TMEM63B: variants seen among roughly 807,000 people sequenced by gnomAD.
TMEM63B encodes the protein mechanosensitive cation channel TMEM63B.
Under a neutral mutation model 102.6 loss-of-function variants are expected in TMEM63B, and 23 were observed. That is an observed-to-expected ratio of 0.22 (90% CI 0.16 to 0.32). The LOEUF (loss-of-function observed/expected upper bound fraction) is 0.32, where lower values mean the gene tolerates loss of function less well. TMEM63B is among the 10% of genes least tolerant of loss of function. The pLI is 1.00. For synonymous variants in TMEM63B, 444 were observed against 437.0 expected (o/e 1.02, Z -0.20); for missense variants, 628 against 1,095.9 (o/e 0.57, Z 6.03).
chr6:44,145,139 G>C (rs1464228455), intron 10 of TMEM63B, among the ~76,000 whole-genome samples: 7 of 151,518 alleles, frequency 4.6e-5, no homozygotes, highest in Admixed American at 4.6e-4. Flanking sequence ...GCCAGGCGTG[G>C]TGGCATGTGC....
chr6:44,139,782 C>T (rs1159273684), intron 8 of TMEM63B, 23 bp downstream of exon 8: 1 of 1,614,114 alleles, frequency 6.2e-7, no homozygotes, highest in Non-Finnish European at 8.5e-7. Context: ...GCTGGTCGGC[C>T]AGGCCAAGGT....
At chr6:44,151,706 G>A in intron 18 of TMEM63B, 140 bp from the exon 19 acceptor site, 1 of 982,016 alleles carries the variant, frequency 1.0e-6, no homozygotes, top group Non-Finnish European at 1.5e-6. Flanking sequence ...GGGCACAGGT[G>A]CTTGGGGCGC....
chr6:44,138,688 C>G, intron 6 of TMEM63B, 171 bp downstream of exon 6: 1 of 652,544 alleles, frequency 1.5e-6, no homozygotes, highest in Non-Finnish European at 2.7e-6. Context: ...CTCTGCTGTA[C>G]CCTGAACACT....
At chr6:44,143,108 T>C (rs1438934346) in intron 10 of TMEM63B, among the ~76,000 whole-genome samples, 1 of 152,204 alleles carries the variant, frequency 6.6e-6, no homozygotes, top group Non-Finnish European at 1.5e-5. Context: ...CAGGCCAGTG[T>C]GTGATCCAAT....
At position 44,141,185 on chromosome 6, in the gene TMEM63B, G is replaced by A. The variant is rs1047417336; in HGVS notation, c.782+87G>A. On this transcript the variant is annotated intron_variant, in intron 10 of 23. Transcript: ENST00000323267. Reference sequence around the variant, plus strand: ...ACTCTAAGAACATCCTTATACCCTAGCCTGGAGCTCTGCCGTGGGTGGGAT... The same window carrying A: ...ACTCTAAGAACATCCTTATACCCTAACCTGGAGCTCTGCCGTGGGTGGGAT... 5.2e-5 allele frequency: 69 copies of A among 1,332,830 alleles called. 1 individual carries two copies. The South Asian group carries it at 7.7e-4, about 15-fold the overall frequency. 82.6% of individuals were successfully genotyped at this position (1,332,830 alleles called of 1,614,324 possible).
intron 1 of TMEM63B, among the ~76,000 whole-genome samples, chr6:44,134,171 A>G (rs1582765088): frequency 6.6e-6 from 1 of 151,854 alleles, no homozygotes; most frequent in Non-Finnish European, 1.5e-5. Context: ...CAGGCCTAAG[A>G]CCCCTCCCTG....
chr6:44,131,193 C>A (rs1346188905), intron 1 of TMEM63B, among the ~76,000 whole-genome samples: 1 of 151,940 alleles, frequency 6.6e-6, no homozygotes, highest in East Asian at 1.9e-4. Flanking sequence ...GCTGGGATTA[C>A]AGGTGTGAGC....
chr6:44,138,556 A>G, intron 6 of TMEM63B, 39 bp downstream of exon 6: 1 of 1,613,332 alleles, frequency 6.2e-7, no homozygotes, highest in Non-Finnish European at 8.5e-7. Flanking sequence ...AAAGAGAGAA[A>G]CTTCAGAACC....
chr6:44,127,426 C>T (rs1777330280), upstream of TMEM63B: 1 of 152,212 alleles, frequency 6.6e-6, no homozygotes, highest in African/African-American at 2.4e-5. Flanking sequence ...TTCCTAGCGC[C>T]TGCGCGCCAG....
At chr6:44,149,008 A>C (rs771208424) in intron 15 of TMEM63B, 63 bp downstream of exon 15, 2 of 1,611,726 alleles carry the variant, frequency 1.2e-6, no homozygotes, top group Admixed American at 3.3e-5. Context: ...CCAGGCCCTG[A>C]TCCCTCTTCC....
At chr6:44,128,150 C>CG (rs1319906378) in intron 1 of TMEM63B, among the ~76,000 whole-genome samples, 2 of 152,136 alleles carry the variant, frequency 1.3e-5, no homozygotes, top group African/African-American at 2.4e-5. Context: ...CTGCTGCTCC[C>CG]GGGGGCGAGT....
At chr6:44,137,738 G>A (rs140609756) in intron 5 of TMEM63B, among the ~76,000 whole-genome samples, 4,862 of 150,658 alleles carry the variant, frequency 0.032, 112 homozygotes, top group Non-Finnish European at 0.049. Flanking sequence ...TTGCTCTGTC[G>A]CCCAGGCTAG....
At chr6:44,151,235 G>C (rs186741622) in intron 18 of TMEM63B, among the ~76,000 whole-genome samples, 1 of 152,234 alleles carries the variant, frequency 6.6e-6, no homozygotes, top group Admixed American at 6.5e-5. Context: ...TAACTGTGGA[G>C]TTCTGTATGG....
intron 15 of TMEM63B, 108 bp downstream of exon 15, chr6:44,149,053 C>T (rs550612456): frequency 1.3e-6 from 2 of 1,531,550 alleles, no homozygotes; most frequent in Non-Finnish European, 1.8e-6. Context: ...CTTGTTCCAA[C>T]CCCGTGCCAC....
At chr6:44,153,991 G>A (rs1471982337) in intron 21 of TMEM63B, 82 bp from the exon 22 acceptor site, 27 of 1,559,196 alleles carry the variant, frequency 1.7e-5, no homozygotes, top group Non-Finnish European at 2.3e-5. Flanking sequence ...GGAGAGTGAG[G>A]ACTGCATTCA....
intron 10 of TMEM63B, among the ~76,000 whole-genome samples, chr6:44,146,347 T>C (rs1001494382): frequency 6.6e-6 from 1 of 152,106 alleles, no homozygotes; most frequent in African/African-American, 2.4e-5. Flanking sequence ...CTGCTCCCAC[T>C]TCCCCACTCA....
intron 3 of TMEM63B, 93 bp from the exon 4 acceptor site, chr6:44,135,235 G>A (rs1762685875): frequency 1.9e-6 from 3 of 1,567,274 alleles, no homozygotes; most frequent in East Asian, 4.6e-5. Context: ...GTGGGCATGG[G>A]GGCATGAGGG....
chr6:44,153,542 A>C (rs1767273417), intron 20 of TMEM63B, 134 bp from the exon 21 acceptor site: 4 of 974,660 alleles, frequency 4.1e-6, no homozygotes, highest in South Asian at 3.3e-5. Context: ...ACGGGGCACT[A>C]TCCCGTCCTG....
chr6:44,126,917 A>G (rs1430925665), upstream of TMEM63B: 2 of 152,228 alleles, frequency 1.3e-5, no homozygotes, highest in African/African-American at 4.8e-5. Flanking sequence ...TCCTCACACC[A>G]CAGAGGCGTC....
Sources: allele counts gnomAD v4.1 joint callset (sites outside exome capture counted in the v4.1 genomes callset), GRCh38; gene constraint gnomAD v4.1.1; transcripts MANE v1.5; gene names NCBI Gene and HGNC (gene_info 2026-07-23, HGNC 2026-07-21).